The following VRK2 variants were observed in gnomAD, a reference collection of about 807,000 sequenced individuals.
The protein encoded by VRK2 is serine/threonine-protein kinase VRK2.
Under a neutral mutation model 57.6 loss-of-function variants are expected in VRK2, and 60 were observed. That is an observed-to-expected ratio of 1.04 (90% CI 0.85 to 1.29). The LOEUF is 1.29. Ranked by LOEUF, VRK2 falls within the 50% of genes most tolerant of loss-of-function variation. VRK2 has a pLI of 0.00. For synonymous variants in VRK2, 231 were observed against 199.2 expected, an observed-to-expected ratio of 1.16 and a Z score of -1.35; for missense variants, 705 against 588.1, an observed-to-expected ratio of 1.20 and a Z score of -2.06.
At chr2:57,961,789 T>C (rs1671769858) in intron 1 of VRK2, among the ~76,000 whole-genome samples, 1 of 152,112 alleles carries the variant, frequency 6.6e-6, no homozygotes, top group Non-Finnish European at 1.5e-5. Flanking sequence ...GTCAAGAATA[T>C]GTGTGGGCTG....
Position 58,131,924 on chromosome 2 carries a change from AC to A in VRK2, c.794del (p.Thr265LysfsTer24). The A allele has an allele frequency of 6.2e-7, 1 of 1,614,146 alleles. No individual in the cohort carries two copies. Among genetic ancestry groups the A allele is most frequent in the Non-Finnish European group, 8.5e-7 (1 of 1,179,988 alleles). On this transcript the variant is annotated frameshift_variant, in exon 9 of 13. Transcript: ENST00000340157. LOFTEE classifies it high-confidence loss of function. ...KDPVAVQTAK[T>X]NLLDELPQSV... is the part of the protein sequence containing the mutation. Reference sequence around the variant, plus strand: ...CCCTGTGGCTGTGCAGACTGCTAAAACAAAGTACAAATTTTCAAGTATTTCA... The same window carrying A: ...CCCTGTGGCTGTGCAGACTGCTAAAAAAAGTACAAATTTTCAAGTATTTCA...
chr2:58,120,978 A>G (rs1301369547), intron 7 of VRK2, among the ~76,000 whole-genome samples: 5 of 152,196 alleles, frequency 3.3e-5, no homozygotes, highest in African/African-American at 4.8e-5. Context: ...CCTCTCTCCT[A>G]TTGCAGTAGT....
intron 1 of VRK2, among the ~76,000 whole-genome samples, chr2:57,916,687 C>G (rs891524208): frequency 1.3e-5 from 2 of 152,102 alleles, no homozygotes; most frequent in African/African-American, 4.8e-5. Context: ...AATTAAGTAT[C>G]TTGCCCAAAG....
chr2:58,036,557 A>T (rs1180715702), intron 3 of VRK2, among the ~76,000 whole-genome samples: 1 of 152,040 alleles, frequency 6.6e-6, no homozygotes, highest in Non-Finnish European at 1.5e-5. Context: ...CAGTATCGAG[A>T]TGGTATATGC....
chr2:57,917,512 T>C (rs1434756735), intron 1 of VRK2, among the ~76,000 whole-genome samples: 1 of 150,104 alleles, frequency 6.7e-6, no homozygotes, highest in African/African-American at 2.5e-5. Flanking sequence ...TTATTGTATA[T>C]GTGTATTTTA....
intron 1 of VRK2, among the ~76,000 whole-genome samples, chr2:57,961,460 C>T (rs548542294): frequency 5.3e-5 from 8 of 152,218 alleles, no homozygotes; most frequent in African/African-American, 1.7e-4. Context: ...ATAATGTAAG[C>T]CCTTATAGGC....
rs775589250 is a variant in VRK2, at chr2:58,010,212, C to A, written c.-438-15453C>A. Among the ~76,000 whole-genome samples, 3 of 152,178 alleles carry A rather than the reference C, an allele frequency of 2.0e-5. 1 individual carries two copies. Among genetic ancestry groups the A allele is most frequent in the African/African-American group, 2.4e-5 (1 of 41,524 alleles). ...TCTTCACAACCTATTAGAGGTGTGACCTTGGGCAAATCACTTAATTTGTCA... is the reference window on the plus strand; with the variant it reads ...TCTTCACAACCTATTAGAGGTGTGAACTTGGGCAAATCACTTAATTTGTCA... On this transcript the variant is annotated intron_variant, in intron 1 of 15. Coordinates refer to the VRK2 transcript ENST00000417641.
intron 2 of VRK2, among the ~76,000 whole-genome samples, chr2:58,082,716 A>G (rs905775469): frequency 1.3e-5 from 2 of 151,892 alleles, no homozygotes; most frequent in East Asian, 1.9e-4. Flanking sequence ...ATAACTTAAC[A>G]TGAATGAAGG....
intron 1 of VRK2, among the ~76,000 whole-genome samples, chr2:57,910,044 A>G (rs915592910): frequency 6.6e-6 from 1 of 152,112 alleles, no homozygotes; most frequent in East Asian, 1.9e-4. Flanking sequence ...TAAAATGGTA[A>G]ATCACTTGTA....
At chr2:58,073,254 G>A (rs1431313183) in intron 2 of VRK2, among the ~76,000 whole-genome samples, 2 of 152,048 alleles carry the variant, frequency 1.3e-5, no homozygotes, top group Non-Finnish European at 2.9e-5. Context: ...AATATACTAT[G>A]TGAGCTTGAT....
intron 1 of VRK2, among the ~76,000 whole-genome samples, chr2:57,958,461 ATG>A (rs200409175): frequency 0.015 from 2,229 of 151,548 alleles, 84 homozygotes; most frequent in African/African-American, 0.052. Flanking sequence ...ATATATATAC[ATG>A]TATATATACA....
chr2:57,939,686 A>G (rs1287110389), intron 1 of VRK2, among the ~76,000 whole-genome samples: 7 of 152,242 alleles, frequency 4.6e-5, no homozygotes, highest in African/African-American at 1.7e-4. Context: ...TGCACATTTC[A>G]GCAAAAAGTG....
Position 58,144,034 on chromosome 2 carries a change from T to TAC in VRK2, c.1024-2268_1024-2267dup, listed in dbSNP as rs528781308. Among the ~76,000 whole-genome samples the TAC allele has an allele frequency of 6.6e-3, 999 of 150,650 alleles. 13 individuals carry two copies. Among genetic ancestry groups the TAC allele is most frequent in the Middle Eastern group, 0.042 (12 of 286 alleles). On this transcript the variant is annotated intron_variant, in intron 11 of 12. Transcript: ENST00000340157. ...ATATACACATATATATATACATATA[T>TAC]ACACACACACACACAATGGAATATT...
At chr2:57,910,450 G>C (rs1297825090) in intron 1 of VRK2, among the ~76,000 whole-genome samples, 1 of 152,148 alleles carries the variant, frequency 6.6e-6, no homozygotes, top group African/African-American at 2.4e-5. Flanking sequence ...ATGACCCCAA[G>C]AGAAATTCAT....
intron 1 of VRK2, among the ~76,000 whole-genome samples, chr2:57,948,694 T>C (rs1282070551): frequency 6.6e-6 from 1 of 152,070 alleles, no homozygotes; most frequent in Non-Finnish European, 1.5e-5. Flanking sequence ...GTACTGGTAA[T>C]AATAAAGCCC....
intron 10 of VRK2, among the ~76,000 whole-genome samples, chr2:58,138,864 A>T (rs1680915479): frequency 6.6e-6 from 1 of 152,190 alleles, no homozygotes; most frequent in African/African-American, 2.4e-5. Flanking sequence ...TTCCAATTTT[A>T]GGTTGAACCT....
chr2:57,967,537 T>C (rs1234927395), intron 1 of VRK2, among the ~76,000 whole-genome samples: 1 of 152,108 alleles, frequency 6.6e-6, no homozygotes, highest in Non-Finnish European at 1.5e-5. Flanking sequence ...TCTCAGCTTC[T>C]AAAGCTTTTC....
At chr2:58,011,049 G>A (rs942934624) in intron 1 of VRK2, among the ~76,000 whole-genome samples, 1 of 152,196 alleles carries the variant, frequency 6.6e-6, no homozygotes, top group Non-Finnish European at 1.5e-5. Flanking sequence ...ATACCTTGGA[G>A]GTCAGGTGCA....
At chr2:58,059,108 A>G (rs1676958844) in intron 2 of VRK2, among the ~76,000 whole-genome samples, 1 of 152,060 alleles carries the variant, frequency 6.6e-6, no homozygotes, top group African/African-American at 2.4e-5. Flanking sequence ...TGTTTTTGAT[A>G]TTATTAAGAT....
Sources: allele counts gnomAD v4.1 joint callset (sites outside exome capture counted in the v4.1 genomes callset), GRCh38; gene constraint gnomAD v4.1.1; transcripts MANE v1.5; gene names NCBI Gene and HGNC (gene_info 2026-07-23, HGNC 2026-07-21).